ADD1: variants seen among roughly 807,000 people sequenced by gnomAD.
The protein encoded by ADD1 is alpha-adducin.
In ADD1, 24 loss-of-function variants were observed where a neutral mutation model predicts 80.5. The ratio of observed to expected loss-of-function variants is 0.30; its 90% confidence interval spans 0.22 to 0.42. ADD1 has a LOEUF of 0.42. ADD1 is among the 10% of genes least tolerant of loss of function. The pLI, the probability that ADD1 is intolerant of heterozygous loss-of-function variation, is 1.00. For missense variants in ADD1, 948 were observed against 1,019.0 expected (o/e 0.93, Z 0.95); for synonymous variants, 373 against 393.8 (o/e 0.95, Z 0.63).
chr4:2,898,660 A>G (rs909035739), intron 8 of ADD1, 129 bp downstream of exon 8: 4 of 817,590 alleles, frequency 4.9e-6, no homozygotes, highest in South Asian at 2.9e-5. Context: ...AGATAAGCTC[A>G]TGGATTTGGG....
At chr4:2,885,765 A>T (rs930461777) in intron 4 of ADD1, among the ~76,000 whole-genome samples, 1 of 151,468 alleles carries the variant, frequency 6.6e-6, no homozygotes, top group African/African-American at 2.4e-5. Flanking sequence ...GCCCGCCACC[A>T]CGCCTGGCTA....
intron 14 of ADD1, among the ~76,000 whole-genome samples, chr4:2,920,657 C>CTTTTTTTTTTTTTTTTTTTTTT (rs55649630): frequency 1.5e-5 from 2 of 136,532 alleles, no homozygotes; most frequent in African/African-American, 2.8e-5. Flanking sequence ...GCAACTCCTG[C>CTTTTTTTTTTTTTTTTTTTTTT]TTTTTTTTTT....
chr4:2,904,726 T>A (rs2239728), intron 9 of ADD1, 38 bp from the exon 10 acceptor site: 3 of 1,563,388 alleles, frequency 1.9e-6, no homozygotes, highest in Non-Finnish European at 2.6e-6. Context: ...TTTTGAGATC[T>A]GGAATATTGA....
At chr4:2,852,803 C>G (rs1221615718) in intron 1 of ADD1, among the ~76,000 whole-genome samples, 4 of 150,550 alleles carry the variant, frequency 2.7e-5, no homozygotes, top group African/African-American at 7.3e-5. Context: ...TGGGCCCGAG[C>G]AGTCCTCCCA....
intron 14 of ADD1, among the ~76,000 whole-genome samples, chr4:2,922,458 A>G (rs1233087160): frequency 6.6e-6 from 1 of 152,190 alleles, no homozygotes; most frequent in Non-Finnish European, 1.5e-5. Context: ...CCTGGGTATC[A>G]CCAGCAGAGG....
chr4:2,921,543 A>AC lies in ADD1; in HGVS notation c.1949-4469dup, dbSNP rs1740046057. On this transcript the variant is annotated intron_variant, in intron 14 of 15. Transcript: ENST00000683351. ...TGGGCTTCCCTTTGTGGGTAACCCAACCTTTCTCTCTGGCTGCCCTTAACA... is the reference window on the plus strand; with the variant it reads ...TGGGCTTCCCTTTGTGGGTAACCCAACCCTTTCTCTCTGGCTGCCCTTAACA... 2.0e-5 allele frequency among the ~76,000 whole-genome samples: 3 copies of AC among 152,106 alleles called. No homozygotes were observed. In the South Asian group the frequency reaches 6.2e-4, roughly 32 times the overall value.
At chr4:2,921,467 A>C (rs556258869) in intron 14 of ADD1, among the ~76,000 whole-genome samples, 1 of 151,910 alleles carries the variant, frequency 6.6e-6, no homozygotes, top group East Asian at 1.9e-4. Flanking sequence ...ATTGGCCCCC[A>C]CTCTCTTCTG....
rs1424192211 is a variant in ADD1, at chr4:2,865,563, G to C, written c.-20-10333G>C. 3.7e-4 allele frequency among the ~76,000 whole-genome samples: 57 copies of C among 152,126 alleles called. 1 individual carries two copies. The highest frequency in any genetic ancestry group is 3.7e-3 in the Admixed American group (57 of 15,266). On this transcript the variant is annotated intron_variant, in intron 1 of 15. Coordinates refer to ENST00000683351, the MANE Select transcript of ADD1 (RefSeq NM_001354761.2). ...CATTTGTCTTTCAGATAAAACAACT[G>C]CTTCACAACTAGGAACTTTTAGTTG...
intron 9 of ADD1, chr4:2,902,356 T>C (rs1736329857): frequency 6.6e-6 from 1 of 152,184 alleles, no homozygotes; most frequent in African/African-American, 2.4e-5. Flanking sequence ...ATGGGAAAAC[T>C]GCCAGTACAC....
At chr4:2,896,243 G>A (rs923861065) in intron 6 of ADD1, among the ~76,000 whole-genome samples, 4 of 147,964 alleles carry the variant, frequency 2.7e-5, no homozygotes, top group African/African-American at 1.0e-4. Context: ...GAGTCTTGCT[G>A]TGTCACGCAG....
At chr4:2,909,024 A>C in intron 12 of ADD1, 1 of 468,508 alleles carries the variant, frequency 2.1e-6, no homozygotes, top group Non-Finnish European at 3.9e-6. Context: ...TGTGGTGCAC[A>C]TTTACACACA....
chr4:2,928,617 A>C lies in ADD1; in HGVS notation c.*94A>C. 1.4e-6 allele frequency: 2 copies of C among 1,389,308 alleles called. No individual in the cohort carries two copies. Among genetic ancestry groups the C allele is most frequent in the Non-Finnish European group, 2.0e-6 (2 of 1,006,792 alleles). 86.1% of individuals were successfully genotyped at this position (1,389,308 alleles called of 1,614,324 possible). A position where few individuals can be genotyped will look rare whatever the true frequency, so the allele number is the denominator to read the frequency against. On this transcript the variant is annotated 3_prime_UTR_variant, in exon 16 of 16. Transcript: ENST00000683351. Reference sequence around the variant, plus strand: ...GCTCTGTCCTTGTGTAATGGAATGCAAAAAAGCCAAGCCCTCCGCCTAGAG... The same window carrying C: ...GCTCTGTCCTTGTGTAATGGAATGCCAAAAAGCCAAGCCCTCCGCCTAGAG...
At chr4:2,905,214 G>A (rs1182293466) in intron 10 of ADD1, 106 bp downstream of exon 10, 31 of 1,027,888 alleles carry the variant, frequency 3.0e-5, no homozygotes, top group South Asian at 9.0e-5. Flanking sequence ...GGTGTAAAGC[G>A]AACCTTCCTT....
intron 1 of ADD1, among the ~76,000 whole-genome samples, chr4:2,858,265 A>G (rs2108814047): frequency 6.6e-6 from 1 of 152,356 alleles, no homozygotes; most frequent in South Asian, 2.1e-4. Flanking sequence ...TGCTACTGCT[A>G]ATAATAATAG....
intron 2 of ADD1, among the ~76,000 whole-genome samples, chr4:2,880,001 C>G (rs986065338): frequency 6.6e-6 from 1 of 152,224 alleles, no homozygotes; most frequent in African/African-American, 2.4e-5. Flanking sequence ...CAGGTGGAAG[C>G]CACTGCGCCT....
chr4:2,852,700 T>TG (rs1416933367), intron 1 of ADD1, among the ~76,000 whole-genome samples: 106 of 147,016 alleles, frequency 7.2e-4, no homozygotes, highest in Non-Finnish European at 1.4e-3. Flanking sequence ...AAATATCTTT[T>TG]TTTTTTTTTT....
chr4:2,844,843 A>C (rs1725934121), intron 1 of ADD1: 1 of 152,218 alleles, frequency 6.6e-6, no homozygotes, highest in Non-Finnish European at 1.5e-5. Context: ...TGGTAAGTTA[A>C]AGAAAGATTT....
Position 2,909,346 on chromosome 4 carries a change from C to G in ADD1, c.1706C>G (p.Pro569Arg). 6.5e-7 allele frequency: 1 copy of G among 1,550,220 alleles called. No individual in the cohort carries two copies. The highest frequency in any genetic ancestry group is 8.7e-7 in the Non-Finnish European group (1 of 1,146,710). The change falls in exon 13 of 16, where the codon CCT becomes CGT. Residue 569 changes from proline to arginine, a missense_variant. Pro to Arg is a moderately radical substitution (Grantham distance 103). Coordinates refer to ENST00000683351, the MANE Select transcript of ADD1 (RefSeq NM_001354761.2). ...VMDRSLVQDA[P>R]LSDCTETIEG... The stretch of plus-strand genomic sequence containing the variant: ...CTCAGTTTACTGTTTCAGGATGCAC[C>G]TCTCTCTGACTGTACGGAAACTATC...
rs764396737 is a variant in ADD1 at position 2,882,027 on chromosome 4, G to C, written c.325G>C (p.Ala109Pro). 9 of 1,611,706 alleles carry C rather than the reference G, an allele frequency of 5.6e-6. No homozygotes were observed. The highest frequency in any genetic ancestry group is 5.1e-6 in the Non-Finnish European group (6 of 1,179,392). Residue 109 changes from alanine (A) to proline (P), a missense_variant, in exon 3 of 16, where the codon GCT becomes CCT. By Grantham distance (27) the Ala-to-Pro change is conservative. Coordinates refer to ENST00000683351, the MANE Select transcript of ADD1 (RefSeq NM_001354761.2). ...TTNVPNVYPA[A>P]PQGGMAALNM... ...GAATGTACCAAATGTCTACCCAGCA[G>C]CTCCGCAAGGAGGGATGGCTGCCTT...
Sources: allele counts gnomAD v4.1 joint callset (sites outside exome capture counted in the v4.1 genomes callset), GRCh38; gene constraint gnomAD v4.1.1; transcripts MANE v1.5; gene names NCBI Gene and HGNC (gene_info 2026-07-23, HGNC 2026-07-21).